Variants in PARD3 observed in about 807,000 individuals in gnomAD.
PARD3 encodes partitioning defective 3 homolog.
A neutral mutation model predicts 155.4 loss-of-function variants in PARD3; 75 were observed. The ratio of observed to expected loss-of-function variants is 0.48; its 90% confidence interval spans 0.40 to 0.58. PARD3 has a LOEUF of 0.58. Among genes scored for constraint, PARD3 ranks in the 20% least tolerant of loss-of-function variants. PARD3 has a pLI of 0.00. For synonymous variants in PARD3, 576 were observed against 610.5 expected, an observed-to-expected ratio of 0.94 and a Z score of 0.83; for missense variants, 1,642 against 1,721.7, an observed-to-expected ratio of 0.95 and a Z score of 0.82.
intron 21 of PARD3, among the ~76,000 whole-genome samples, chr10:34,277,289 G>A (rs1432339652): frequency 6.6e-6 from 1 of 152,158 alleles, no homozygotes; most frequent in African/African-American, 2.4e-5. Flanking sequence ...GGCCCTCAGA[G>A]TACTTCAGCA....
At chr10:34,514,842 T>C (rs184847427) in intron 3 of PARD3, among the ~76,000 whole-genome samples, 2 of 152,298 alleles carry the variant, frequency 1.3e-5, no homozygotes, top group East Asian at 3.9e-4. Flanking sequence ...GTTAATCAAA[T>C]TCATAAATCA....
At chr10:34,209,926 T>C (rs747585768) in intron 22 of PARD3, among the ~76,000 whole-genome samples, 3 of 152,212 alleles carry the variant, frequency 2.0e-5, no homozygotes, top group Non-Finnish European at 4.4e-5. Flanking sequence ...TTAATATTTA[T>C]ATGTAAAGTT....
chr10:34,746,410 C>T (rs1835339531), intron 1 of PARD3, among the ~76,000 whole-genome samples: 1 of 152,082 alleles, frequency 6.6e-6, no homozygotes, highest in South Asian at 2.1e-4. Context: ...GATCACCCAG[C>T]TGCACTCAAC....
intron 22 of PARD3, among the ~76,000 whole-genome samples, chr10:34,156,525 A>C (rs1442619008): frequency 5.9e-5 from 9 of 152,234 alleles, no homozygotes. Context: ...TAAGTTTTTT[A>C]AGTTGGAACA....
chr10:34,662,648 G>A (rs973728667), intron 2 of PARD3, among the ~76,000 whole-genome samples: 1 of 152,114 alleles, frequency 6.6e-6, no homozygotes, highest in African/African-American at 2.4e-5. Context: ...AGAGGTGAGA[G>A]GATCACTTGA....
At chr10:34,349,879 G>T (rs1355139433) in intron 14 of PARD3, among the ~76,000 whole-genome samples, 1 of 151,892 alleles carries the variant, frequency 6.6e-6, no homozygotes, top group African/African-American at 2.4e-5. Flanking sequence ...ATCCCAAAAG[G>T]CTATTTTAAA....
chr10:34,461,204 T>C (rs1052205818), intron 4 of PARD3, among the ~76,000 whole-genome samples: 1 of 152,216 alleles, frequency 6.6e-6, no homozygotes, highest in African/African-American at 2.4e-5. Context: ...ATCCATCTGA[T>C]ACTCTTCTTG....
At chr10:34,414,447 G>T (rs1039788042) in intron 5 of PARD3, among the ~76,000 whole-genome samples, 1 of 152,058 alleles carries the variant, frequency 6.6e-6, no homozygotes, top group African/African-American at 2.4e-5. Flanking sequence ...TGAGAAGTTG[G>T]AAAGGATCAG....
In PARD3 at chr10:34,572,614, C is replaced by T. The variant is rs186507845; in HGVS notation, c.223-55455G>A. 7.5e-5 allele frequency among the ~76,000 whole-genome samples: 11 copies of T among 147,084 alleles called. No individual in the cohort carries two copies. In the Admixed American group the frequency reaches 7.6e-4, roughly 10 times the overall value. ...CGAGATCATATCACTGCACTCCAGC[C>T]GGGGTGACAGAGCAAGACTCTGTCT... On this transcript the variant is annotated intron_variant, in intron 2 of 24. Transcript: ENST00000374788.
At chr10:34,216,587 C>T (rs1171990259) in intron 22 of PARD3, among the ~76,000 whole-genome samples, 1 of 152,206 alleles carries the variant, frequency 6.6e-6, no homozygotes. Context: ...GCTGCTTAAT[C>T]TAATTCAGCC....
intron 24 of PARD3, 86 bp from the exon 25 acceptor site, chr10:34,111,648 A>AT (rs1023958893): frequency 1.5e-5 from 17 of 1,099,726 alleles, no homozygotes; most frequent in Admixed American, 2.4e-5. Flanking sequence ...TGGAATATGC[A>AT]TTTTCACTTT....
intron 2 of PARD3, among the ~76,000 whole-genome samples, chr10:34,653,806 AAAAAAAT>A (rs990712661): frequency 1.3e-5 from 2 of 151,886 alleles, no homozygotes; most frequent in African/African-American, 4.8e-5. Flanking sequence ...AAAAAAAAAA[AAAAAAAT>A]GTATATGAAG....
intron 22 of PARD3, among the ~76,000 whole-genome samples, chr10:34,214,281 C>G (rs1159195807): frequency 6.6e-6 from 1 of 152,122 alleles, no homozygotes; most frequent in African/African-American, 2.4e-5. Context: ...AAATTGGAGG[C>G]AGTGGGTGTT....
chr10:34,352,987 C>T (rs1838311823), intron 14 of PARD3, among the ~76,000 whole-genome samples: 1 of 129,156 alleles, frequency 7.7e-6, no homozygotes, highest in African/African-American at 2.5e-5. Context: ...AGTGTCTCTG[C>T]CGGACCGCCA....
At chr10:34,504,019 A>T (rs2080881600) in intron 3 of PARD3, among the ~76,000 whole-genome samples, 1 of 152,214 alleles carries the variant, frequency 6.6e-6, no homozygotes, top group African/African-American at 2.4e-5. Context: ...TGAAGATTTT[A>T]TAAAAACGAG....
chr10:34,361,485 A>G (rs77697091), intron 12 of PARD3, among the ~76,000 whole-genome samples: 3,569 of 152,340 alleles, frequency 0.023, 48 homozygotes, highest in Middle Eastern at 0.051. Flanking sequence ...GCATCCTACC[A>G]AATTTTTAAA....
intron 14 of PARD3, among the ~76,000 whole-genome samples, chr10:34,358,217 A>G (rs1285871512): frequency 6.6e-6 from 1 of 152,190 alleles, no homozygotes; most frequent in Non-Finnish European, 1.5e-5. Flanking sequence ...TTCAAGCTCC[A>G]ATATTATCAA....
At chr10:34,345,975 A>G in intron 15 of PARD3, 1 of 984,362 alleles carries the variant, frequency 1.0e-6, no homozygotes, top group Non-Finnish European at 1.2e-6. Context: ...TCCGTTACAA[A>G]TTGTAAAAAT....
chr10:34,425,984 AG>A (rs1463619590), intron 5 of PARD3, among the ~76,000 whole-genome samples: 1 of 152,194 alleles, frequency 6.6e-6, no homozygotes, highest in Non-Finnish European at 1.5e-5. Flanking sequence ...ATAAACTATC[AG>A]GTATCTGAGG....
Sources: gnomAD v4.1 joint callset for allele counts (sites outside exome capture counted in the v4.1 genomes callset) on GRCh38, gnomAD v4.1.1 for gene constraint, MANE v1.5 for transcripts, NCBI Gene and HGNC (gene_info 2026-07-23, HGNC 2026-07-21) for gene names.